Variants in VDR observed in about 807,000 individuals in gnomAD.
The protein encoded by VDR is vitamin D receptor, also known as vitamin D3 receptor.
Under a neutral mutation model 39.7 loss-of-function variants are expected in VDR, and 19 were observed. That is an observed-to-expected ratio of 0.48 (90% CI 0.33 to 0.70). The LOEUF is 0.70. Ranked by LOEUF, VDR falls within the 30% of genes least tolerant of loss-of-function variation. The pLI, the probability that VDR is intolerant of heterozygous loss-of-function variation, is 0.02. For synonymous variants in VDR, 242 were observed against 215.8 expected (o/e 1.12, Z -1.07); for missense variants, 442 against 570.5 (o/e 0.77, Z 2.29).
At chr12:47,887,411 G>C (rs1445613244) in intron 1 of VDR, among the ~76,000 whole-genome samples, 3 of 149,958 alleles carry the variant, frequency 2.0e-5, no homozygotes, top group Non-Finnish European at 1.5e-5. Flanking sequence ...ACTTTTCTAA[G>C]ACACTAAGCC....
intron 9 of VDR, 44 bp downstream of exon 9, chr12:47,846,291 C>T (rs775000596): frequency 2.2e-5 from 34 of 1,572,124 alleles, no homozygotes; most frequent in African/African-American, 2.7e-5. Flanking sequence ...CTTCATACTC[C>T]CCGCTCCCCA....
chr12:47,876,242 T>A (rs1020810550), intron 3 of VDR, among the ~76,000 whole-genome samples: 5 of 149,232 alleles, frequency 3.4e-5, no homozygotes, highest in African/African-American at 7.4e-5. Flanking sequence ...TGTGTGTGCA[T>A]GTGTGTGTTT....
At position 47,902,062 on chromosome 12, in the gene VDR, T is replaced by C. The variant is rs1418749700; in HGVS notation, c.-84+2893A>G. On this transcript the variant is annotated intron_variant, in intron 1 of 9. Transcript: ENST00000549336. Reference sequence around the variant, plus strand: ...TTGAGCATTAAGCCTCCCCCAACCTTATCATCCCCTCATCACTGCTGTGAC... The same window carrying C: ...TTGAGCATTAAGCCTCCCCCAACCTCATCATCCCCTCATCACTGCTGTGAC... Among the ~76,000 whole-genome samples the C allele has an allele frequency of 2.0e-5, 3 of 152,184 alleles. No individual in the cohort carries two copies. The East Asian group carries it at 5.8e-4, about 29-fold the overall frequency.
intron 3 of VDR, among the ~76,000 whole-genome samples, chr12:47,876,384 C>T (rs553200134): frequency 9.8e-5 from 15 of 152,286 alleles, no homozygotes; most frequent in African/African-American, 3.1e-4. Context: ...CTCTTTCATC[C>T]ACATCCTCAA....
intron 8 of VDR, 67 bp downstream of exon 8, chr12:47,846,590 C>G (rs1945285203): frequency 1.2e-6 from 2 of 1,607,494 alleles, no homozygotes; most frequent in South Asian, 1.1e-5. Context: ...GAGCCAAACC[C>G]CAGGACGGGT....
At chr12:47,879,408 G>A (rs1946092812) in intron 2 of VDR, among the ~76,000 whole-genome samples, 1 of 152,164 alleles carries the variant, frequency 6.6e-6, no homozygotes, top group African/African-American at 2.4e-5. Context: ...ACCTCTGCAT[G>A]CCCCCGCTGT....
chr12:47,845,981 C>T lies in VDR; in HGVS notation c.1024+354G>A, dbSNP rs11574110. Among the ~76,000 whole-genome samples the T allele has an allele frequency of 4.6e-3, 694 of 152,336 alleles. 8 individuals carry two copies. Among genetic ancestry groups the T allele is most frequent in the African/African-American group, 0.016 (664 of 41,564 alleles). On this transcript the variant is annotated intron_variant, in intron 9 of 9. Transcript: ENST00000549336. ...AGGCTCCAAAGTTTTGTACCCTGCCCGCAAGAAACCTCAAATAACAGGAAT... is the reference window on the plus strand; with the variant it reads ...AGGCTCCAAAGTTTTGTACCCTGCCTGCAAGAAACCTCAAATAACAGGAAT...
chr12:47,867,107 G>A (rs1347591194), intron 3 of VDR, among the ~76,000 whole-genome samples: 1 of 152,044 alleles, frequency 6.6e-6, no homozygotes, highest in Non-Finnish European at 1.5e-5. Context: ...TGTAATCCCA[G>A]CACTTTGAGA....
intron 7 of VDR, 132 bp downstream of exon 7, chr12:47,855,498 T>C: frequency 9.0e-7 from 1 of 1,111,582 alleles, no homozygotes; most frequent in Non-Finnish European, 1.3e-6. Context: ...CCAGCCTGCG[T>C]GACAGAGCAA....
intron 9 of VDR, among the ~76,000 whole-genome samples, chr12:47,846,116 C>T (rs951749406): frequency 2.0e-5 from 3 of 152,244 alleles, no homozygotes; most frequent in African/African-American, 4.8e-5. Context: ...CCCTACGAAT[C>T]GCCTGCACAC....
intron 1 of VDR, chr12:47,898,786 C>CGAACTTCAAAGCCATGT (rs1946508653): frequency 6.4e-6 from 1 of 155,288 alleles, no homozygotes; most frequent in Non-Finnish European, 1.5e-5. Flanking sequence ...CACAGGTATG[C>CGAACTTCAAAGCCATGT]GAACTTCAAA....
At chr12:47,851,043 G>A (rs1189419329) in intron 7 of VDR, among the ~76,000 whole-genome samples, 2 of 152,166 alleles carry the variant, frequency 1.3e-5, no homozygotes, top group African/African-American at 4.8e-5. Context: ...CTATTTGTTG[G>A]ATGGATGAAG....
At position 47,857,137 on chromosome 12, in the gene VDR, G is replaced by C. The variant is rs540774973; in HGVS notation, c.575C>G (p.Thr192Ser). The change falls in exon 6 of 10, where the codon ACC becomes AGC. Residue 192 changes from threonine (T) to serine (S), a missense_variant. Thr to Ser is a moderately conservative substitution (Grantham distance 58). Transcript: ENST00000549336. ...ACTGAAGTCCTGCTTACCTGAAGAG[G>C]TGATACAGTGATCTGAGCAGGAGGA... Reference protein sequence around the residue: ...SSSSCSDHCITSSDMMDSSSF... With the variant: ...SSSSCSDHCISSSDMMDSSSF... 3.8e-5 allele frequency: 62 copies of C among 1,614,148 alleles called. No individual in the cohort carries two copies. The highest frequency in any genetic ancestry group is 4.7e-5 in the Non-Finnish European group (56 of 1,179,996).
chr12:47,871,513 G>T (rs1945878846), intron 3 of VDR, among the ~76,000 whole-genome samples: 1 of 146,938 alleles, frequency 6.8e-6, no homozygotes, highest in African/African-American at 2.5e-5. Context: ...ACCCACGCTG[G>T]AGTGCAGCAG....
chr12:47,852,486 C>G (rs1037917002), intron 7 of VDR, among the ~76,000 whole-genome samples: 1 of 152,210 alleles, frequency 6.6e-6, no homozygotes, highest in African/African-American at 2.4e-5. Flanking sequence ...AGAGCAATGC[C>G]GGGCTCACAC....
chr12:47,874,000 T>A (rs1341847696), intron 3 of VDR, among the ~76,000 whole-genome samples: 1 of 152,096 alleles, frequency 6.6e-6, no homozygotes, highest in African/African-American at 2.4e-5. Flanking sequence ...TGCAAAGTCA[T>A]GCAAATGAGC....
At chr12:47,865,017 C>T (rs1231869528) in intron 4 of VDR, 30 bp downstream of exon 4, 2 of 1,611,764 alleles carry the variant, frequency 1.2e-6, no homozygotes, top group Admixed American at 3.3e-5. Flanking sequence ...CACTTCAGGC[C>T]CAAACCCTGC....
intron 3 of VDR, among the ~76,000 whole-genome samples, chr12:47,875,824 T>C (rs142314506): frequency 1.6e-3 from 238 of 152,354 alleles, no homozygotes; most frequent in African/African-American, 5.4e-3. Flanking sequence ...TGTTTAAAGA[T>C]ATCTTATTCA....
chr12:47,848,787 G>A (rs1305784838), intron 7 of VDR, among the ~76,000 whole-genome samples: 2 of 151,856 alleles, frequency 1.3e-5, no homozygotes, highest in Admixed American at 6.6e-5. Context: ...GGCTGGTCTC[G>A]AACTCCTGAC....
Sources: gnomAD v4.1 joint callset for allele counts (sites outside exome capture counted in the v4.1 genomes callset) on GRCh38, gnomAD v4.1.1 for gene constraint, MANE v1.5 for transcripts, NCBI Gene and HGNC (gene_info 2026-07-23, HGNC 2026-07-21) for gene names.